EGFLAM: variants seen among roughly 807,000 people sequenced by gnomAD.
The protein encoded by EGFLAM is pikachurin.
In EGFLAM, 79 loss-of-function variants were observed where a neutral mutation model predicts 113.1. That is an observed-to-expected ratio of 0.70 (90% CI 0.58 to 0.84). The LOEUF (loss-of-function observed/expected upper bound fraction) is 0.84, where lower values mean the gene tolerates loss of function less well. EGFLAM is among the 40% of genes least tolerant of loss of function. EGFLAM has a pLI of 0.00. For missense variants in EGFLAM, 1,265 were observed against 1,291.6 expected (o/e 0.98, Z 0.32); for synonymous variants, 504 against 487.6 (o/e 1.03, Z -0.44).
chr5:38,300,361 CTCTA>C (rs1304757344), intron 1 of EGFLAM, among the ~76,000 whole-genome samples: 3 of 149,298 alleles, frequency 2.0e-5, no homozygotes, highest in Non-Finnish European at 3.0e-5. Context: ...TTCTCTTCTT[CTCTA>C]TCTCTCTCTC....
chr5:38,432,963 T>G (rs1192009542), intron 15 of EGFLAM, among the ~76,000 whole-genome samples: 1 of 151,888 alleles, frequency 6.6e-6, no homozygotes, highest in South Asian at 2.1e-4. Flanking sequence ...CTGACTGGAG[T>G]TTTAAAGAAA....
chr5:38,424,971 A>C lies in EGFLAM; in HGVS notation c.1689A>C (p.Glu563Asp). ...TAATTCCCATTCTGTATTTAGGGGA[A>C]TGCAGCAGTGGAATCTGTGATGAGG... ...GKALSGADVG[E>D]CSSGICDEAS... Residue 563 changes from glutamate (E) to aspartate (D), a missense_variant, in exon 13 of 22, where the codon GAA becomes GAC. Transcript: ENST00000322350. The C allele has an allele frequency of 6.2e-7, 1 of 1,613,706 alleles. No homozygotes were observed. Among genetic ancestry groups the C allele is most frequent in the South Asian group, 1.1e-5 (1 of 91,064 alleles).
At chr5:38,384,940 A>G (rs1740618234) in intron 6 of EGFLAM, among the ~76,000 whole-genome samples, 1 of 152,176 alleles carries the variant, frequency 6.6e-6, no homozygotes, top group Non-Finnish European at 1.5e-5. Context: ...GCATTTAGTC[A>G]GTAGAGACTA....
chr5:38,346,314 G>T (rs535308244), intron 3 of EGFLAM, among the ~76,000 whole-genome samples: 1 of 152,226 alleles, frequency 6.6e-6, no homozygotes, highest in East Asian at 1.9e-4. Context: ...GTTTGTTGTT[G>T]ATTTAAACAT....
chr5:38,385,504 T>C (rs1740637540), intron 6 of EGFLAM, among the ~76,000 whole-genome samples: 2 of 152,156 alleles, frequency 1.3e-5, no homozygotes. Context: ...ATAAAGCCTG[T>C]ACATGTTTAG....
rs193068478 is a variant in EGFLAM, at chr5:38,369,558, T to G, written c.546-738T>G. ...CTGGAGATATATATCTTATTTAATC[T>G]TTATGGCAGTCCTCTTAGGTAGATC... On this transcript the variant is annotated intron_variant, in intron 5 of 21. Coordinates refer to ENST00000322350, the MANE Select transcript of EGFLAM (RefSeq NM_152403.4). Among the ~76,000 whole-genome samples the G allele has an allele frequency of 2.0e-5, 3 of 152,368 alleles. No homozygotes were observed. The East Asian group carries it at 5.8e-4, about 29-fold the overall frequency.
chr5:38,258,787 C>T lies in EGFLAM; in HGVS notation c.33C>T (p.Leu11=), dbSNP rs779040724. 2 of 1,612,430 alleles carry T rather than the reference C, an allele frequency of 1.2e-6. No homozygotes were observed. Among genetic ancestry groups the T allele is most frequent in the African/African-American group, 1.3e-5 (1 of 75,034 alleles). ...TAATCCGAGGCGTCTTGCTCCGGCT[C>T]CTGCTCCTGGCTTCCAGCCTCGGAC... is the stretch of plus-strand genomic sequence containing the variant. MDLIRGVLLR[L]LLLASSLGPG... The change falls in exon 1 of 22, where the codon CTC becomes CTT. Residue 11 remains leucine, a synonymous_variant. Transcript: ENST00000322350.
Position 38,427,230 on chromosome 5 carries a change from G to T in EGFLAM, c.2032G>T (p.Gly678Cys). The change falls in exon 14 of 22, where the codon GGC (glycine) becomes TGC (cysteine). Residue 678 changes from glycine to cysteine, a missense_variant. Coordinates refer to ENST00000322350, the MANE Select transcript of EGFLAM (RefSeq NM_152403.4). ...CCACGTGGAGTTCCGCTTTGACTGTGGCTCTGGGACCGGTGTCCTCAGGTG... is the reference window on the plus strand; with the variant it reads ...CCACGTGGAGTTCCGCTTTGACTGTTGCTCTGGGACCGGTGTCCTCAGGTG... ...GGHVEFRFDC[G>C]SGTGVLRSED... The T allele has an allele frequency of 6.2e-7, 1 of 1,614,082 alleles. No individual in the cohort carries two copies. Among genetic ancestry groups the T allele is most frequent in the Non-Finnish European group, 8.5e-7 (1 of 1,179,992 alleles).
intron 1 of EGFLAM, chr5:38,305,469 A>G (rs1215866995): frequency 1.8e-5 from 8 of 455,068 alleles, no homozygotes; most frequent in Admixed American, 9.4e-5. Context: ...AAACTTGGAC[A>G]GAACCATGAC....
In EGFLAM at chr5:38,438,349, C is replaced by T. The variant is rs1425011577; in HGVS notation, c.2358C>T (p.His786=). 2 of 1,614,028 alleles carry T rather than the reference C, an allele frequency of 1.2e-6. No homozygotes were observed. The highest frequency in any genetic ancestry group is 2.2e-5 in the East Asian group (1 of 44,880). Residue 786 remains histidine (H), a synonymous_variant, in exon 17 of 22, where the codon CAC becomes CAT. Coordinates refer to ENST00000322350, the MANE Select transcript of EGFLAM (RefSeq NM_152403.4). ...TSGVNVENAA[H]PCVRAPCAHG... is the part of the protein sequence containing the mutation. ...GAGTGAATGTGGAGAATGCGGCCCA[C>T]CCCTGTGTGAGAGCCCCTTGTGCCC...
chr5:38,357,479 AG>A (rs1331742554), intron 5 of EGFLAM, among the ~76,000 whole-genome samples: 1 of 151,618 alleles, frequency 6.6e-6, no homozygotes, highest in Non-Finnish European at 1.5e-5. Flanking sequence ...TGGGTGGGGG[AG>A]GGGGTTGTCT....
chr5:38,409,723 G>A (rs1741411523), intron 10 of EGFLAM, among the ~76,000 whole-genome samples: 1 of 152,154 alleles, frequency 6.6e-6, no homozygotes, highest in South Asian at 2.1e-4. Flanking sequence ...TGGACTGAGA[G>A]GAGCCTCCAA....
intron 1 of EGFLAM, among the ~76,000 whole-genome samples, chr5:38,278,639 C>T (rs1000905721): frequency 6.6e-6 from 1 of 152,042 alleles, no homozygotes; most frequent in African/African-American, 2.4e-5. Flanking sequence ...CAGGTGCATA[C>T]CACCACACCT....
At position 38,427,063 on chromosome 5, in the gene EGFLAM, C is replaced by A. The variant is rs772219929; in HGVS notation, c.1865C>A (p.Thr622Asn). Residue 622 changes from threonine (T) to asparagine (N), a missense_variant, in exon 14 of 22, where the codon ACT becomes AAT. By Grantham distance (65) the Thr-to-Asn change is moderately conservative. Coordinates refer to ENST00000322350, the MANE Select transcript of EGFLAM (RefSeq NM_152403.4). Reference protein sequence around the residue: ...FRESLRSYAATPWPLEPQHYL... With the variant: ...FRESLRSYAANPWPLEPQHYL... Reference sequence around the variant, plus strand: ...GAGTCTCTGAGATCTTACGCTGCAACTCCCTGGCCACTGGAGCCCCAGCAT... The same window carrying A: ...GAGTCTCTGAGATCTTACGCTGCAAATCCCTGGCCACTGGAGCCCCAGCAT... 1.9e-6 allele frequency: 3 copies of A among 1,613,994 alleles called. No individual in the cohort carries two copies. Among genetic ancestry groups the A allele is most frequent in the African/African-American group, 1.3e-5 (1 of 74,914 alleles).
chr5:38,448,123 A>C, intron 17 of EGFLAM, 178 bp from the exon 18 acceptor site: 1 of 647,082 alleles, frequency 1.5e-6, no homozygotes, highest in Non-Finnish European at 2.7e-6. Context: ...AGCCAACCCC[A>C]GGCCATGGGG....
At chr5:38,353,597 A>T (rs1304402142) in intron 5 of EGFLAM, among the ~76,000 whole-genome samples, 1 of 152,238 alleles carries the variant, frequency 6.6e-6, no homozygotes, top group African/African-American at 2.4e-5. Context: ...GAATCTCTTT[A>T]ATGCTTCAGT....
At chr5:38,395,972 C>A (rs991504674) in intron 6 of EGFLAM, among the ~76,000 whole-genome samples, 2 of 151,914 alleles carry the variant, frequency 1.3e-5, no homozygotes, top group Non-Finnish European at 2.9e-5. Flanking sequence ...AAAAGCCTCT[C>A]CTTATGCTCA....
chr5:38,306,985 C>T (rs970145161), intron 1 of EGFLAM, among the ~76,000 whole-genome samples: 8 of 152,282 alleles, frequency 5.3e-5, no homozygotes, highest in East Asian at 1.9e-4. Flanking sequence ...TCGCTAGCCC[C>T]GGCTGAGCTT....
At chr5:38,297,955 T>G (rs909817496) in intron 1 of EGFLAM, among the ~76,000 whole-genome samples, 3 of 152,236 alleles carry the variant, frequency 2.0e-5, no homozygotes, top group African/African-American at 7.2e-5. Context: ...AGGACAATGT[T>G]GCTCCAGGGC....
Sources: gnomAD v4.1 joint callset for allele counts (sites outside exome capture counted in the v4.1 genomes callset) on GRCh38, gnomAD v4.1.1 for gene constraint, MANE v1.5 for transcripts, NCBI Gene and HGNC (gene_info 2026-07-23, HGNC 2026-07-21) for gene names.